The following NCALD variants were observed in gnomAD, a reference collection of about 807,000 sequenced individuals.
NCALD encodes neurocalcin delta.
In NCALD, 10 loss-of-function variants were observed where a neutral mutation model predicts 18.6. The observed-to-expected ratio is 0.54, with a 90% CI of 0.33 to 0.91. NCALD has a LOEUF of 0.91. NCALD is among the 40% of genes least tolerant of loss of function. NCALD has a pLI of 0.03. For missense variants in NCALD, 184 were observed against 247.6 expected (o/e 0.74, Z 1.72); for synonymous variants, 88 against 87.4 (o/e 1.01, Z -0.04).
chr8:101,932,957 GT>G (rs1347684007), intron 2 of NCALD, among the ~76,000 whole-genome samples: 6 of 152,098 alleles, frequency 3.9e-5, no homozygotes, highest in Non-Finnish European at 8.8e-5. Flanking sequence ...CACATTGTTT[GT>G]TTTCTATTAC....
intron 2 of NCALD, among the ~76,000 whole-genome samples, chr8:101,983,943 G>A (rs760927853): frequency 2.0e-5 from 3 of 152,174 alleles, no homozygotes; most frequent in Non-Finnish European, 4.4e-5. Context: ...GGGTGCTTTC[G>A]TCATCCTTTG....
At chr8:102,017,691 T>C (rs1280149877) in intron 2 of NCALD, among the ~76,000 whole-genome samples, 1 of 152,194 alleles carries the variant, frequency 6.6e-6, no homozygotes, top group African/African-American at 2.4e-5. Flanking sequence ...CAAGACTCCG[T>C]CTCAAAAAAC....
chr8:101,987,596 G>C (rs1820863578), intron 2 of NCALD, among the ~76,000 whole-genome samples: 1 of 152,178 alleles, frequency 6.6e-6, no homozygotes, highest in African/African-American at 2.4e-5. Flanking sequence ...ACATTTACTT[G>C]AGAAATTGTT....
At chr8:102,096,301 G>A (rs567561513) in intron 1 of NCALD, among the ~76,000 whole-genome samples, 4 of 152,218 alleles carry the variant, frequency 2.6e-5, no homozygotes, top group East Asian at 1.9e-4. Context: ...GTGTCTTCAC[G>A]TTGTCTCCCC....
chr8:101,944,657 T>A (rs999111645), intron 2 of NCALD, among the ~76,000 whole-genome samples: 1 of 152,178 alleles, frequency 6.6e-6, no homozygotes, highest in African/African-American at 2.4e-5. Flanking sequence ...ATGCAGGAGA[T>A]GAAAGAGCAG....
rs183925770 is a variant in NCALD, at chr8:101,951,419, C to T, written c.-156-35561G>A. ...GAAGACAGTGAGGAGCTGGCGAAGA[C>T]GGAAGAATTTAGAGAAGAGGCCATG... On this transcript the variant is annotated intron_variant, in intron 2 of 6. Coordinates refer to the NCALD transcript ENST00000311028. 9.9e-5 allele frequency among the ~76,000 whole-genome samples: 15 copies of T among 152,206 alleles called. No individual in the cohort carries two copies. In the East Asian group the frequency reaches 1.2e-3, roughly 12 times the overall value.
At chr8:101,920,030 G>A (rs1174999652) in intron 2 of NCALD, among the ~76,000 whole-genome samples, 1 of 152,168 alleles carries the variant, frequency 6.6e-6, no homozygotes, top group Non-Finnish European at 1.5e-5. Context: ...GCCAAAGTGG[G>A]CAGATTACTT....
intron 2 of NCALD, among the ~76,000 whole-genome samples, chr8:102,003,059 A>G (rs1328832770): frequency 1.3e-5 from 2 of 152,194 alleles, no homozygotes; most frequent in African/African-American, 4.8e-5. Flanking sequence ...GAGACACAAA[A>G]AAAAACCTTC....
intron 1 of NCALD, among the ~76,000 whole-genome samples, chr8:101,749,537 A>G (rs1810564709): frequency 1.3e-5 from 2 of 152,210 alleles, no homozygotes; most frequent in African/African-American, 4.8e-5. Flanking sequence ...CAGGCTAGCT[A>G]TATATACTCT....
Position 101,693,000 on chromosome 8 carries a change from C to T in NCALD, c.379-104G>A, listed in dbSNP as rs113112070. Reference sequence around the variant, plus strand: ...GCGGGCTGAAGGGAATGTCCCCATCCGCATTGGACCTAGTCCTACCCCTAT... The same window carrying T: ...GCGGGCTGAAGGGAATGTCCCCATCTGCATTGGACCTAGTCCTACCCCTAT... On this transcript the variant is annotated intron_variant, in intron 2 of 3. Coordinates refer to ENST00000220931, the MANE Select transcript of NCALD (RefSeq NM_032041.3). 4.3e-3 allele frequency: 3,314 copies of T among 773,444 alleles called. 64 individuals carry two copies. In the African/African-American group the frequency reaches 0.043, roughly 10 times the overall value. 47.9% of individuals were successfully genotyped at this position (773,444 alleles called of 1,614,324 possible). A position where few individuals can be genotyped will look rare whatever the true frequency, so the allele number is the denominator to read the frequency against.
At chr8:101,876,850 C>A (rs2131433729) in intron 4 of NCALD, among the ~76,000 whole-genome samples, 1 of 152,312 alleles carries the variant, frequency 6.6e-6, no homozygotes, top group Admixed American at 6.5e-5. Context: ...GGAAAAACTA[C>A]ATTTTGATAC....
intron 3 of NCALD, among the ~76,000 whole-genome samples, chr8:101,894,188 A>G (rs1327353099): frequency 1.5e-5 from 2 of 134,674 alleles, no homozygotes; most frequent in Non-Finnish European, 3.1e-5. Flanking sequence ...CAATCAAACT[A>G]GAACTCAGGA....
intron 2 of NCALD, among the ~76,000 whole-genome samples, chr8:101,931,570 C>T (rs567182362): frequency 1.4e-4 from 22 of 152,120 alleles, no homozygotes; most frequent in East Asian, 7.7e-4. Flanking sequence ...TGAACACAGG[C>T]GACATATTTC....
intron 4 of NCALD, among the ~76,000 whole-genome samples, chr8:101,805,292 G>A (rs1316880922): frequency 6.6e-6 from 1 of 152,116 alleles, no homozygotes; most frequent in East Asian, 1.9e-4. Context: ...AATAAGTCTG[G>A]CCTCCTTTTC....
chr8:101,793,651 C>T (rs530132567), upstream of NCALD, among the ~76,000 whole-genome samples: 6 of 152,256 alleles, frequency 3.9e-5, no homozygotes, highest in Admixed American at 3.3e-4. Flanking sequence ...CACATGAGAG[C>T]TTTCTCCAAT....
At chr8:102,102,612 C>T (rs1044358022) in intron 1 of NCALD, among the ~76,000 whole-genome samples, 2 of 152,158 alleles carry the variant, frequency 1.3e-5, no homozygotes, top group African/African-American at 2.4e-5. Flanking sequence ...GCTTCCGAGG[C>T]ATGACCCCCC....
rs767757894 is a variant in NCALD at position 101,719,234 on chromosome 8, A to G, written c.378+18T>C. The G allele has an allele frequency of 1.5e-5, 24 of 1,600,398 alleles. No homozygotes were observed. The South Asian group carries it at 2.7e-4, about 18-fold the overall frequency. ...GAGATACATGCCCTTCTTTTTTTAA[A>G]GGGCTCAGTCTACGTACCTGCACGA... On this transcript the variant is annotated intron_variant, in intron 2 of 3. Transcript: ENST00000220931.
chr8:101,974,004 C>T (rs971245040), intron 2 of NCALD, among the ~76,000 whole-genome samples: 4 of 152,158 alleles, frequency 2.6e-5, no homozygotes, highest in African/African-American at 7.2e-5. Flanking sequence ...TCTAGTCTTG[C>T]ACTTGTTCCA....
intron 3 of NCALD, among the ~76,000 whole-genome samples, chr8:101,903,043 C>G (rs997798841): frequency 2.0e-5 from 3 of 152,196 alleles, no homozygotes; most frequent in Non-Finnish European, 4.4e-5. Flanking sequence ...TGTGAGGTCA[C>G]CAGCTGCTGC....
Sources: allele counts gnomAD v4.1 joint callset (sites outside exome capture counted in the v4.1 genomes callset), GRCh38; gene constraint gnomAD v4.1.1; transcripts MANE v1.5; gene names NCBI Gene and HGNC (gene_info 2026-07-23, HGNC 2026-07-21).